Variants in ASIC2 observed in about 807,000 individuals in gnomAD.
The protein encoded by ASIC2 is acid-sensing ion channel 2.
In ASIC2, 25 loss-of-function variants were observed where a neutral mutation model predicts 57.3. The ratio of observed to expected loss-of-function variants is 0.44; its 90% CI spans 0.32 to 0.61. ASIC2 has a LOEUF of 0.61. Among genes scored for constraint, ASIC2 ranks in the 20% least tolerant of loss-of-function variants. The probability of loss-of-function intolerance (pLI) is 0.06; values close to 1 mark genes in which losing one functional copy is unlikely to be tolerated. For synonymous variants in ASIC2, 319 were observed against 307.5 expected (o/e 1.04, Z -0.39); for missense variants, 641 against 738.1 (o/e 0.87, Z 1.52).
intron 1 of ASIC2, among the ~76,000 whole-genome samples, chr17:34,064,686 AAAAC>A (rs1426837133): frequency 5.9e-5 from 9 of 152,354 alleles, no homozygotes; most frequent in East Asian, 3.9e-4. Context: ...CAATAAGAAA[AAAAC>A]AAACAATCCC....
chr17:33,311,113 G>A (rs867938737), intron 1 of ASIC2, among the ~76,000 whole-genome samples: 7 of 152,182 alleles, frequency 4.6e-5, no homozygotes, highest in Admixed American at 1.3e-4. Context: ...GAGAAAGAGA[G>A]GGAGGCAGCG....
intron 1 of ASIC2, among the ~76,000 whole-genome samples, chr17:33,249,823 TG>T (rs907197870): frequency 9.2e-5 from 14 of 152,200 alleles, no homozygotes; most frequent in Non-Finnish European, 1.3e-4. Context: ...CTCTGTAGGT[TG>T]GGGAAGCTGC....
At chr17:34,050,686 C>G (rs1054466545) in intron 1 of ASIC2, among the ~76,000 whole-genome samples, 1 of 152,170 alleles carries the variant, frequency 6.6e-6, no homozygotes, top group African/African-American at 2.4e-5. Context: ...AATACATCAC[C>G]CGAACCTCAA....
intron 1 of ASIC2, among the ~76,000 whole-genome samples, chr17:33,370,001 T>G (rs1908983346): frequency 6.6e-6 from 1 of 152,202 alleles, no homozygotes; most frequent in Non-Finnish European, 1.5e-5. Flanking sequence ...TCTGGATTCC[T>G]AAGACTGAGG....
Position 33,879,757 on chromosome 17 carries a change from TGTA to T in ASIC2, c.555+276218_555+276220del, listed in dbSNP as rs1441580780. Among the ~76,000 whole-genome samples the T allele has an allele frequency of 2.0e-5, 3 of 152,172 alleles. No homozygotes were observed. The East Asian group carries it at 5.8e-4, about 29-fold the overall frequency. On this transcript the variant is annotated intron_variant, in intron 1 of 9. Transcript: ENST00000359872. ...ATTCAGCTCCGCACCAAGCGGACCT[TGTA>T]GACATCTACAGAACTCTCCACCCAA... is the stretch of plus-strand genomic sequence containing the variant.
chr17:33,695,475 C>T (rs1908496467), intron 1 of ASIC2, among the ~76,000 whole-genome samples: 1 of 151,942 alleles, frequency 6.6e-6, no homozygotes, highest in Non-Finnish European at 1.5e-5. Context: ...TTTAAAATTG[C>T]TCTTTTAAAA....
intron 1 of ASIC2, among the ~76,000 whole-genome samples, chr17:33,321,422 G>A (rs1484312226): frequency 6.6e-6 from 1 of 152,146 alleles, no homozygotes; most frequent in South Asian, 2.1e-4. Context: ...GGAATGCACA[G>A]CATTTTTGTG....
At chr17:33,501,661 G>A (rs1486581424) in intron 1 of ASIC2, among the ~76,000 whole-genome samples, 1 of 152,230 alleles carries the variant, frequency 6.6e-6, no homozygotes, top group Non-Finnish European at 1.5e-5. Flanking sequence ...GGGGCACACT[G>A]CCTATCAGCA....
intron 6 of ASIC2, 73 bp downstream of exon 6, chr17:33,023,788 C>T: frequency 6.3e-7 from 1 of 1,584,494 alleles, no homozygotes; most frequent in East Asian, 2.2e-5. Flanking sequence ...CTTTGCTTTC[C>T]TCCTTGATTG....
At chr17:33,813,060 C>A (rs966122718) in intron 1 of ASIC2, among the ~76,000 whole-genome samples, 6 of 152,150 alleles carry the variant, frequency 3.9e-5, no homozygotes, top group African/African-American at 7.2e-5. Flanking sequence ...TCTCAGGGGA[C>A]CTGGCAGCTT....
At chr17:33,898,562 G>T (rs565321632) in intron 1 of ASIC2, among the ~76,000 whole-genome samples, 1 of 152,022 alleles carries the variant, frequency 6.6e-6, no homozygotes, top group Non-Finnish European at 1.5e-5. Flanking sequence ...CTAGCTTCCC[G>T]TAGTACAATA....
Position 33,395,878 on chromosome 17 carries a change from A to T in ASIC2, c.556-283811T>A, listed in dbSNP as rs190530799. Reference sequence around the variant, plus strand: ...TTTGACCATACTTCTTAACCTCCCCAGATGCACTTTCAAAATTTATGAAAT... The same window carrying T: ...TTTGACCATACTTCTTAACCTCCCCTGATGCACTTTCAAAATTTATGAAAT... On this transcript the variant is annotated intron_variant, in intron 1 of 9. Coordinates refer to the ASIC2 transcript ENST00000359872. Among the ~76,000 whole-genome samples, 30 of 152,298 alleles carry T rather than the reference A, an allele frequency of 2.0e-4. No individual in the cohort carries two copies. In the East Asian group the frequency reaches 5.8e-3, roughly 29 times the overall value.
At chr17:33,089,952 C>T (rs906009500) in intron 2 of ASIC2, among the ~76,000 whole-genome samples, 1 of 152,188 alleles carries the variant, frequency 6.6e-6, no homozygotes, top group Non-Finnish European at 1.5e-5. Context: ...TTTACCAGAT[C>T]CCCCTCTCTG....
intron 1 of ASIC2, among the ~76,000 whole-genome samples, chr17:33,392,577 C>T (rs1279736516): frequency 6.6e-6 from 1 of 151,970 alleles, no homozygotes; most frequent in Non-Finnish European, 1.5e-5. Context: ...TTATCCTAAT[C>T]ATCAGTATGC....
At chr17:33,299,609 T>G (rs1905867891) in intron 1 of ASIC2, among the ~76,000 whole-genome samples, 1 of 152,032 alleles carries the variant, frequency 6.6e-6, no homozygotes, top group African/African-American at 2.4e-5. Flanking sequence ...ATGCACCAAG[T>G]GGTTTTTTGC....
At chr17:33,397,009 C>T (rs917942608) in intron 1 of ASIC2, among the ~76,000 whole-genome samples, 23 of 152,212 alleles carry the variant, frequency 1.5e-4, no homozygotes, top group African/African-American at 5.5e-4. Flanking sequence ...CGGCCCAGCA[C>T]AAATGTCATC....
At chr17:33,718,339 C>A (rs781697036) in intron 1 of ASIC2, among the ~76,000 whole-genome samples, 1 of 152,114 alleles carries the variant, frequency 6.6e-6, no homozygotes, top group Admixed American at 6.5e-5. Flanking sequence ...GATACAGAGG[C>A]TGACTGGATT....
At chr17:33,376,362 CT>C (rs5820038) in intron 1 of ASIC2, among the ~76,000 whole-genome samples, 12 of 151,274 alleles carry the variant, frequency 7.9e-5, no homozygotes, top group Middle Eastern at 3.4e-3. Context: ...TTGTCCATTT[CT>C]TTTTTTTTAT....
intron 1 of ASIC2, among the ~76,000 whole-genome samples, chr17:33,323,627 T>C (rs1906954888): frequency 6.6e-6 from 1 of 152,204 alleles, no homozygotes; most frequent in East Asian, 1.9e-4. Context: ...GGCAGGAGAA[T>C]CACTTGAACC....
Sources: allele counts gnomAD v4.1 joint callset (sites outside exome capture counted in the v4.1 genomes callset), GRCh38; gene constraint gnomAD v4.1.1; transcripts MANE v1.5; gene names NCBI Gene and HGNC (gene_info 2026-07-23, HGNC 2026-07-21).